MTG1: variants seen among roughly 807,000 people sequenced by gnomAD.
MTG1 encodes mitochondrial ribosome associated GTPase 1.
In MTG1, 30 loss-of-function variants were observed where a neutral mutation model predicts 39.5. The observed-to-expected ratio is 0.76, with a 90% confidence interval of 0.57 to 1.03. The LOEUF (loss-of-function observed/expected upper bound fraction) is 1.03. Ranked by LOEUF, MTG1 falls within the 50% of genes least tolerant of loss-of-function variation. MTG1 has a pLI of 0.00. For synonymous variants in MTG1, 217 were observed against 179.0 expected, an observed-to-expected ratio of 1.21 and a Z score of -1.69; for missense variants, 513 against 447.4, an observed-to-expected ratio of 1.15 and a Z score of -1.32.
intron 9 of MTG1, among the ~76,000 whole-genome samples, chr10:133,416,027 C>T (rs1014682908): frequency 2.9e-5 from 4 of 138,530 alleles, no homozygotes; most frequent in Admixed American, 6.9e-5. Context: ...ACGTGGGTGT[C>T]GGGCAGGCGG....
At chr10:133,397,431 C>T (rs1238017149) in intron 3 of MTG1, among the ~76,000 whole-genome samples, 2 of 142,958 alleles carry the variant, frequency 1.4e-5, no homozygotes, top group African/African-American at 5.7e-5. Flanking sequence ...TGGTAGTGGT[C>T]CCCCAGGCAC....
intron 3 of MTG1, among the ~76,000 whole-genome samples, chr10:133,397,958 G>A (rs947286590): frequency 2.0e-5 from 3 of 152,084 alleles, no homozygotes; most frequent in East Asian, 1.9e-4. Flanking sequence ...CTGAAGAATC[G>A]GGAGAGAGGT....
At chr10:133,410,905 A>G (rs1367486138) in intron 9 of MTG1, among the ~76,000 whole-genome samples, 1 of 149,420 alleles carries the variant, frequency 6.7e-6, no homozygotes, top group Non-Finnish European at 1.5e-5. Context: ...TCTTATTTCA[A>G]TTTATTTTTT....
chr10:133,406,597 A>T (rs548417950), intron 9 of MTG1, among the ~76,000 whole-genome samples: 28 of 151,634 alleles, frequency 1.8e-4, no homozygotes, highest in Admixed American at 3.9e-4. Flanking sequence ...GGCCCAGACC[A>T]ATTTCCAGAA....
At position 133,396,228 on chromosome 10, in the gene MTG1, C is replaced by A; in HGVS notation, c.243C>A (p.Val81=). 1.2e-6 allele frequency: 2 copies of A among 1,614,166 alleles called. No homozygotes were observed. The highest frequency in any genetic ancestry group is 1.7e-6 in the Non-Finnish European group (2 of 1,180,016). Residue 81 remains valine (V), a synonymous_variant, in exon 3 of 11, where the codon GTC becomes GTA. Transcript: ENST00000317502. ...ETLGLKPHLL[V]LNKMDLADLT... ...TTGGGCTTAAGCCTCACTTGCTGGT[C>A]CTCAACAAGATGGACTTGGCGGATC... is the stretch of plus-strand genomic sequence containing the variant.
chr10:133,414,418 A>C (rs533701572), intron 9 of MTG1, among the ~76,000 whole-genome samples: 2 of 152,200 alleles, frequency 1.3e-5, no homozygotes, highest in Non-Finnish European at 2.9e-5. Context: ...CCTGTTCTCA[A>C]TGAGCTGTTG....
At chr10:133,403,800 G>T (rs959891991) in intron 9 of MTG1, among the ~76,000 whole-genome samples, 1 of 152,060 alleles carries the variant, frequency 6.6e-6, no homozygotes, top group African/African-American at 2.4e-5. Flanking sequence ...CCTAGGAGTA[G>T]AGTGGCTGGA....
rs1589909889 is a variant in MTG1 at position 133,399,347 on chromosome 10, C to T, written c.420+121C>T. The T allele has an allele frequency of 3.1e-6, 4 of 1,287,728 alleles. No homozygotes were observed. In the East Asian group the frequency reaches 9.8e-5, roughly 31 times the overall value. The allele number at this position is 1,287,728 out of a possible 1,614,324, so 79.8% of individuals were successfully genotyped here. A position where few individuals can be genotyped will look rare whatever the true frequency, so the allele number is the denominator to read the frequency against. On this transcript the variant is annotated intron_variant, in intron 5 of 10. Coordinates refer to ENST00000317502, the MANE Select transcript of MTG1 (RefSeq NM_138384.4). ...CAGGCAGGGAGGCCCCTCCTTTGTC[C>T]TCTCATTCTCTTCAGTGGAAAGGGC...
rs542846700 is a variant in MTG1, at chr10:133,411,599, A to C, written c.753-7881A>C. Reference sequence around the variant, plus strand: ...ATTCCTAGGTTTGCTCCTCTGAGGCAGTTTTCTGTATCTTGCATGTGTTCT... The same window carrying C: ...ATTCCTAGGTTTGCTCCTCTGAGGCCGTTTTCTGTATCTTGCATGTGTTCT... On this transcript the variant is annotated intron_variant, in intron 9 of 10. Coordinates refer to ENST00000317502, the MANE Select transcript of MTG1 (RefSeq NM_138384.4). Among the ~76,000 whole-genome samples the C allele has an allele frequency of 2.6e-5, 4 of 152,216 alleles. No homozygotes were observed. The South Asian group carries it at 8.3e-4, about 32-fold the overall frequency.
intron 6 of MTG1, chr10:133,401,296 T>G (rs1315060112): frequency 4.4e-6 from 2 of 450,482 alleles, no homozygotes; most frequent in African/African-American, 4.1e-5. Context: ...GTGAGCTGGT[T>G]TGTGACTGAA....
At chr10:133,416,785 T>C (rs1850140137) in intron 9 of MTG1, among the ~76,000 whole-genome samples, 1 of 148,404 alleles carries the variant, frequency 6.7e-6, no homozygotes, top group African/African-American at 2.5e-5. Context: ...TGCCACATTT[T>C]CTTAATCCAG....
chr10:133,400,873 G>A (rs1047727010), intron 6 of MTG1, among the ~76,000 whole-genome samples: 9 of 152,216 alleles, frequency 5.9e-5, no homozygotes, highest in Non-Finnish European at 1.2e-4. Flanking sequence ...TGATGTCACC[G>A]ATCGTGATGT....
intron 5 of MTG1, 69 bp downstream of exon 5, chr10:133,399,295 C>T: frequency 3.2e-6 from 5 of 1,563,424 alleles, no homozygotes; most frequent in Non-Finnish European, 2.6e-6. Flanking sequence ...TCCTGCCTGG[C>T]CTCTCCAAGG....
chr10:133,394,452 C>T lies in MTG1; in HGVS notation c.112+120C>T, dbSNP rs1056800202. On this transcript the variant is annotated intron_variant, in intron 1 of 10. Coordinates refer to ENST00000317502, the MANE Select transcript of MTG1 (RefSeq NM_138384.4). ...GTCGTTCTGGGCTGGCCCCGCCCCT[C>T]CTCCCTTGTCTCCCCTCCTTCCCCG... is the stretch of plus-strand genomic sequence containing the variant. 10 of 1,323,608 alleles carry T rather than the reference C, an allele frequency of 7.6e-6. No homozygotes were observed. The African/African-American group carries it at 1.4e-4, about 18-fold the overall frequency. The allele number at this position is 1,323,608 out of a possible 1,614,324, so 82.0% of individuals were successfully genotyped here.
In MTG1 at chr10:133,394,179, G is replaced by A. The variant is rs1052770893; in HGVS notation, c.-42G>A. 3.5e-6 allele frequency: 5 copies of A among 1,440,296 alleles called. No individual in the cohort carries two copies. Among genetic ancestry groups the A allele is most frequent in the African/African-American group, 1.5e-5 (1 of 67,538 alleles). The allele number at this position is 1,440,296 out of a possible 1,614,324, so 89.2% of individuals were successfully genotyped here. A position where few individuals can be genotyped will look rare whatever the true frequency, so the allele number is the denominator to read the frequency against. ...CTCAGAGGCGGGTCGCAGCGGCGCAGAGGAGGTCAGCTGCGGGAGCGTTTC... is the reference window on the plus strand; with the variant it reads ...CTCAGAGGCGGGTCGCAGCGGCGCAAAGGAGGTCAGCTGCGGGAGCGTTTC... On this transcript the variant is annotated 5_prime_UTR_variant, in exon 1 of 11. Coordinates refer to ENST00000317502, the MANE Select transcript of MTG1 (RefSeq NM_138384.4).
rs532770842 is a variant in MTG1, at chr10:133,402,990, A to G, written c.752+217A>G. On this transcript the variant is annotated intron_variant, in intron 9 of 10. Transcript: ENST00000317502. This position sits in a 1 kb window ranked among gnomAD's most constrained non-coding sequence, Gnocchi z 4.7. ...GAAAACGAGCGTTCCCGTCACCCCCAGTCCCTGCTCCTCTTTCGTGAAATC... is the reference window on the plus strand; with the variant it reads ...GAAAACGAGCGTTCCCGTCACCCCCGGTCCCTGCTCCTCTTTCGTGAAATC... Among the ~76,000 whole-genome samples the G allele has an allele frequency of 1.8e-4, 27 of 149,424 alleles. No homozygotes were observed. Among genetic ancestry groups the G allele is most frequent in the Non-Finnish European group, 2.5e-4 (17 of 67,644 alleles).
Position 133,401,583 on chromosome 10 carries a change from A to G in MTG1, c.566A>G (p.Lys189Arg), listed in dbSNP as rs148699900. Residue 189 changes from lysine to arginine, a missense_variant, in exon 7 of 11, where the codon AAA becomes AGA. Coordinates refer to ENST00000317502, the MANE Select transcript of MTG1 (RefSeq NM_138384.4). ...EPGITRAVMS[K>R]IQVSERPLMF... ...GGGATCACCAGAGCTGTGATGTCCA[A>G]AATTCAGGTGGAGTCCTCAGGGGCC... The G allele has an allele frequency of 6.2e-6, 10 of 1,612,006 alleles. 1 individual carries two copies. Among genetic ancestry groups the G allele is most frequent in the Middle Eastern group, 3.3e-4 (2 of 6,074 alleles).
At chr10:133,397,779 G>GTTTTTTTTTTTTTTTTTTTTTTTT (rs35859911) in intron 3 of MTG1, among the ~76,000 whole-genome samples, 1 of 139,500 alleles carries the variant, frequency 7.2e-6, no homozygotes, top group African/African-American at 2.7e-5. Context: ...CGTCCAGCCT[G>GTTTTTTTTTTTTTTTTTTTTTTTT]TTTTTTTTTT....
intron 9 of MTG1, among the ~76,000 whole-genome samples, chr10:133,418,791 G>C (rs1329393568): frequency 1.3e-5 from 2 of 152,198 alleles, no homozygotes; most frequent in African/African-American, 4.8e-5. Context: ...TTGGGTCTGG[G>C]TTAGTCGGGC....
Sources: allele counts gnomAD v4.1 joint callset (sites outside exome capture counted in the v4.1 genomes callset), GRCh38; gene constraint gnomAD v4.1.1; non-coding constraint Gnocchi (gnomAD v3.1); transcripts MANE v1.5; gene names NCBI Gene and HGNC (gene_info 2026-07-23, HGNC 2026-07-21).